Variants in DPY19L1 observed in about 807,000 individuals in gnomAD.
The protein encoded by DPY19L1 is dpy-19 like C-mannosyltransferase 1.
A neutral mutation model predicts 96.9 loss-of-function variants in DPY19L1; 35 were observed. The observed-to-expected ratio is 0.36, with a 90% CI of 0.28 to 0.48. DPY19L1 has a LOEUF of 0.48. DPY19L1 is among the 20% of genes least tolerant of loss of function. The probability of loss-of-function intolerance (pLI) is 0.99; values close to 1 mark genes in which losing one functional copy is unlikely to be tolerated. For synonymous variants in DPY19L1, 205 were observed against 252.6 expected, an observed-to-expected ratio of 0.81 and a Z score of 1.79; for missense variants, 521 against 777.9, an observed-to-expected ratio of 0.67 and a Z score of 3.93.
At chr7:34,997,064 ATCTCT>A (rs1785302673) in intron 6 of DPY19L1, among the ~76,000 whole-genome samples, 1 of 152,166 alleles carries the variant, frequency 6.6e-6, no homozygotes, top group Non-Finnish European at 1.5e-5. Flanking sequence ...AGTCATGGCT[ATCTCT>A]TAGAGGTCAG....
chr7:34,931,470 C>T lies in DPY19L1; in HGVS notation c.*103G>A. 7.6e-7 allele frequency: 1 copy of T among 1,318,498 alleles called. No homozygotes were observed. The highest frequency in any genetic ancestry group is 2.8e-4 in the Middle Eastern group (1 of 3,594). The allele number at this position is 1,318,498 out of a possible 1,614,324, so 81.7% of individuals were successfully genotyped here. A position where few individuals can be genotyped will look rare whatever the true frequency, so the allele number is the denominator to read the frequency against. Reference sequence around the variant, plus strand: ...AAATAAAACGTTTTCTATTTGAAAACAGTTACCTATAAAAGTTTTTGGGAT... The same window carrying T: ...AAATAAAACGTTTTCTATTTGAAAATAGTTACCTATAAAAGTTTTTGGGAT... On this transcript the variant is annotated 3_prime_UTR_variant, in exon 22 of 22. Transcript: ENST00000638088.
chr7:35,033,203 C>G (rs1051222956), intron 1 of DPY19L1, among the ~76,000 whole-genome samples: 1 of 152,220 alleles, frequency 6.6e-6, no homozygotes, highest in Non-Finnish European at 1.5e-5. Flanking sequence ...TTCTGTTCGG[C>G]TGACATCTTT....
intron 10 of DPY19L1, among the ~76,000 whole-genome samples, chr7:34,963,193 C>CAAAAAA (rs58387078): frequency 1.3e-5 from 1 of 78,804 alleles, no homozygotes; most frequent in Non-Finnish European, 2.3e-5. Context: ...AGATCTGTCT[C>CAAAAAA]AAAAAAAAAA....
At chr7:34,969,570 C>T (rs768329620) in intron 8 of DPY19L1, 38 bp from the exon 9 acceptor site, 32 of 1,132,732 alleles carry the variant, frequency 2.8e-5, no homozygotes, top group Admixed American at 2.6e-5. Context: ...AGTTTAAACA[C>T]GAAATAGTCT....
intron 21 of DPY19L1, 87 bp downstream of exon 21, chr7:34,937,907 C>T (rs1349437375): frequency 2.1e-6 from 3 of 1,416,108 alleles, no homozygotes; most frequent in Admixed American, 1.9e-5. Context: ...TATATACACA[C>T]CCCCGCCACC....
upstream of DPY19L1, chr7:35,037,858 C>A: frequency 8.1e-7 from 1 of 1,235,298 alleles, no homozygotes; most frequent in Non-Finnish European, 1.0e-6. Flanking sequence ...TGCGAGGACG[C>A]GGGGGCGGAC....
chr7:34,959,898 AAT>A (rs368552911), intron 10 of DPY19L1, among the ~76,000 whole-genome samples: 7,296 of 61,806 alleles, frequency 0.12, 352 homozygotes, highest in East Asian at 0.31. Context: ...TTTGTATATA[AAT>A]ATATATATAT....
intron 9 of DPY19L1, among the ~76,000 whole-genome samples, chr7:34,967,207 C>A (rs1784630075): frequency 1.3e-5 from 2 of 152,118 alleles, no homozygotes. Flanking sequence ...TCTACTTTGT[C>A]AACTGTCCAA....
At chr7:35,035,730 G>C (rs1008619803) in intron 1 of DPY19L1, among the ~76,000 whole-genome samples, 4 of 152,130 alleles carry the variant, frequency 2.6e-5, no homozygotes, top group Non-Finnish European at 5.9e-5. Flanking sequence ...TTCGCCATGT[G>C]ATAACCCCCC....
intron 1 of DPY19L1, among the ~76,000 whole-genome samples, chr7:35,027,244 G>C (rs1786143003): frequency 6.6e-6 from 1 of 151,926 alleles, no homozygotes; most frequent in Non-Finnish European, 1.5e-5. Flanking sequence ...TTTCTCTTTG[G>C]TTGTCTCCAT....
intron 1 of DPY19L1, among the ~76,000 whole-genome samples, chr7:35,034,166 GT>G (rs1786330569): frequency 6.6e-6 from 1 of 152,140 alleles, no homozygotes; most frequent in Non-Finnish European, 1.5e-5. Flanking sequence ...TCAGGTTCTT[GT>G]TTTATTGTTG....
intron 19 of DPY19L1, 115 bp downstream of exon 19, chr7:34,940,038 T>C: frequency 1.1e-6 from 1 of 927,666 alleles, no homozygotes; most frequent in Non-Finnish European, 1.5e-6. Flanking sequence ...CAACATTGCA[T>C]AGAAAGAGTG....
chr7:34,987,748 G>A (rs953704670), intron 7 of DPY19L1, among the ~76,000 whole-genome samples: 9 of 151,814 alleles, frequency 5.9e-5, no homozygotes, highest in Non-Finnish European at 1.2e-4. Flanking sequence ...CATAGAAAAA[G>A]TATATACTTA....
Position 35,011,429 on chromosome 7 carries a change from G to T in DPY19L1, c.571C>A (p.Arg191=). 1 of 1,604,492 alleles carries T rather than the reference G, an allele frequency of 6.2e-7. No homozygotes were observed. Among genetic ancestry groups the T allele is most frequent in the Non-Finnish European group, 8.5e-7 (1 of 1,177,004 alleles). The change falls in exon 5 of 22, where the codon CGG becomes AGG. Residue 191 remains arginine (R), a synonymous_variant. Transcript: ENST00000638088. ...YPEVILASWY[R]IYTKIMDLIG... The stretch of plus-strand genomic sequence containing the variant: ...AAGTCCATTATTTTGGTATAAATCC[G>T]GTACCAACTGGCCAAAATTACCTAT...
intron 7 of DPY19L1, among the ~76,000 whole-genome samples, chr7:34,982,057 C>T (rs116202261): frequency 7.3e-4 from 111 of 152,220 alleles, no homozygotes; most frequent in African/African-American, 2.4e-3. Flanking sequence ...TTAGACTCCT[C>T]AAAAATGTTA....
At chr7:34,989,034 C>CCTT (rs993800631) in intron 7 of DPY19L1, among the ~76,000 whole-genome samples, 5 of 152,156 alleles carry the variant, frequency 3.3e-5, no homozygotes, top group African/African-American at 4.8e-5. Flanking sequence ...GATTAAATGA[C>CCTT]TTGCTCAGGT....
chr7:34,983,206 C>A (rs1470023851), intron 7 of DPY19L1, among the ~76,000 whole-genome samples: 1 of 152,024 alleles, frequency 6.6e-6, no homozygotes, highest in Non-Finnish European at 1.5e-5. Flanking sequence ...TCTAGTTCAA[C>A]CTTCATCATT....
intron 10 of DPY19L1, among the ~76,000 whole-genome samples, chr7:34,963,765 G>T (rs1201423092): frequency 6.6e-6 from 1 of 152,164 alleles, no homozygotes; most frequent in African/African-American, 2.4e-5. Context: ...CTTTAAAAAG[G>T]AAGGAAATTC....
chr7:34,949,256 ATGC>A (rs1784218804), intron 14 of DPY19L1, among the ~76,000 whole-genome samples: 3 of 152,188 alleles, frequency 2.0e-5, no homozygotes, highest in Non-Finnish European at 2.9e-5. Flanking sequence ...TGTTTATGGC[ATGC>A]TACTAGAAAC....
Sources: allele counts gnomAD v4.1 joint callset (sites outside exome capture counted in the v4.1 genomes callset), GRCh38; gene constraint gnomAD v4.1.1; transcripts MANE v1.5; gene names NCBI Gene and HGNC (gene_info 2026-07-23, HGNC 2026-07-21).